BICC1: variants seen among roughly 807,000 people sequenced by gnomAD.
The protein encoded by BICC1 is BicC family RNA binding protein 1.
In BICC1, 43 loss-of-function variants were observed where a neutral mutation model predicts 111.0. That is an observed-to-expected ratio of 0.39 (90% confidence interval 0.30 to 0.50). The LOEUF (loss-of-function observed/expected upper bound fraction) is 0.50. BICC1 is among the 20% of genes least tolerant of loss of function. The pLI, the probability that BICC1 is intolerant of heterozygous loss-of-function variation, is 0.88. For synonymous variants in BICC1, 467 were observed against 434.4 expected (o/e 1.07, Z -0.93); for missense variants, 1,091 against 1,203.2 (o/e 0.91, Z 1.38).
At chr10:58,630,654 A>G (rs1475719811) in intron 2 of BICC1, among the ~76,000 whole-genome samples, 1 of 152,032 alleles carries the variant, frequency 6.6e-6, no homozygotes, top group East Asian at 1.9e-4. Context: ...TAGTTGGGAA[A>G]CTCTACAAGG....
At chr10:58,650,014 A>G (rs1838396424) in intron 2 of BICC1, 1 of 152,180 alleles carries the variant, frequency 6.6e-6, no homozygotes, top group Non-Finnish European at 1.5e-5. Context: ...ACGTAGCTAC[A>G]TAAAAATAAT....
intron 2 of BICC1, among the ~76,000 whole-genome samples, chr10:58,621,253 T>C (rs969450528): frequency 1.3e-5 from 2 of 152,174 alleles, no homozygotes; most frequent in Admixed American, 6.5e-5. Context: ...CTATCCTATA[T>C]GGTGAATATG....
chr10:58,525,053 C>T (rs188669589), intron 1 of BICC1, among the ~76,000 whole-genome samples: 245 of 146,958 alleles, frequency 1.7e-3, no homozygotes, highest in African/African-American at 5.8e-3. Flanking sequence ...ATTAAAAAGT[C>T]AGGAAACAAC....
intron 1 of BICC1, among the ~76,000 whole-genome samples, chr10:58,586,705 A>G (rs910069069): frequency 1.3e-5 from 2 of 152,160 alleles, no homozygotes; most frequent in African/African-American, 4.8e-5. Context: ...ACAGACATGC[A>G]TACTACAGAC....
At chr10:58,552,399 G>T (rs951454941) in intron 1 of BICC1, among the ~76,000 whole-genome samples, 1 of 151,958 alleles carries the variant, frequency 6.6e-6, no homozygotes. Context: ...GCAGTGGTGT[G>T]ATCTTGGCTC....
intron 1 of BICC1, among the ~76,000 whole-genome samples, chr10:58,615,994 G>C (rs753498765): frequency 6.6e-6 from 1 of 152,118 alleles, no homozygotes; most frequent in African/African-American, 2.4e-5. Context: ...CAGAAGTAAG[G>C]GCCCTCCAGG....
intron 1 of BICC1, among the ~76,000 whole-genome samples, chr10:58,513,776 T>C (rs1428305101): frequency 6.6e-6 from 1 of 152,202 alleles, no homozygotes; most frequent in African/African-American, 2.4e-5. Context: ...AGTATCCACT[T>C]CCTCCAGCTG....
intron 18 of BICC1, among the ~76,000 whole-genome samples, chr10:58,814,618 TA>T (rs35500718): frequency 0.68 from 77,822 of 114,758 alleles, 25,140 homozygotes; most frequent in Admixed American, 0.71. Flanking sequence ...TCATCTCTAC[TA>T]AAAAAAAAAA....
chr10:58,732,277 A>G (rs1043240054), intron 3 of BICC1, among the ~76,000 whole-genome samples: 3 of 148,846 alleles, frequency 2.0e-5, no homozygotes, highest in African/African-American at 7.5e-5. Context: ...AGAGAGAGAG[A>G]GAGAGAAAGA....
At chr10:58,702,985 A>C (rs866531653) in intron 3 of BICC1, among the ~76,000 whole-genome samples, 1 of 152,106 alleles carries the variant, frequency 6.6e-6, no homozygotes, top group African/African-American at 2.4e-5. Context: ...TTACTACTAA[A>C]TGATAACACT....
At chr10:58,732,142 G>A (rs1421521034) in intron 3 of BICC1, among the ~76,000 whole-genome samples, 1 of 151,646 alleles carries the variant, frequency 6.6e-6, no homozygotes, top group Non-Finnish European at 1.5e-5. Flanking sequence ...TAATGTGAGA[G>A]GTGTGTGAAT....
chr10:58,580,964 G>A (rs948635959), intron 1 of BICC1, among the ~76,000 whole-genome samples: 2 of 152,110 alleles, frequency 1.3e-5, no homozygotes, highest in African/African-American at 2.4e-5. Flanking sequence ...TTTAGAAAAG[G>A]TTTTAATCAG....
intron 20 of BICC1, among the ~76,000 whole-genome samples, chr10:58,822,520 T>C (rs1844281973): frequency 6.6e-6 from 1 of 152,132 alleles, no homozygotes; most frequent in South Asian, 2.1e-4. Flanking sequence ...TATAGTACTT[T>C]TGCAGACTTC....
intron 3 of BICC1, among the ~76,000 whole-genome samples, chr10:58,767,849 C>T (rs1215694508): frequency 2.6e-5 from 4 of 151,728 alleles, no homozygotes; most frequent in Admixed American, 6.6e-5. Flanking sequence ...AGAGAGTCAA[C>T]AGCAGATTCG....
At chr10:58,752,761 T>A (rs551068309) in intron 3 of BICC1, among the ~76,000 whole-genome samples, 3 of 152,320 alleles carry the variant, frequency 2.0e-5, no homozygotes, top group African/African-American at 7.2e-5. Flanking sequence ...CAGCATTTAC[T>A]TTACCATGCA....
intron 8 of BICC1, 52 bp downstream of exon 8, chr10:58,789,985 G>A: frequency 6.3e-7 from 1 of 1,587,466 alleles, no homozygotes; most frequent in Non-Finnish European, 8.6e-7. Context: ...TTTGGATTCA[G>A]TGCATGTTTT....
rs142577289 is a variant in BICC1 at position 58,800,498 on chromosome 10, A to G, written c.1858+172A>G. On this transcript the variant is annotated intron_variant, in intron 13 of 20. Coordinates refer to ENST00000373886, the MANE Select transcript of BICC1 (RefSeq NM_001080512.3). ...AATAAAATTTCAAAGAGCATGGTGA[A>G]AGATTAACTGAAAAGCACTTTCCAC... Among the ~76,000 whole-genome samples, 148 of 152,340 alleles carry G rather than the reference A, an allele frequency of 9.7e-4. 3 individuals carry two copies. The East Asian group carries it at 0.024, about 25-fold the overall frequency.
At chr10:58,651,384 G>A (rs181502469) in intron 2 of BICC1, among the ~76,000 whole-genome samples, 135 of 152,328 alleles carry the variant, frequency 8.9e-4, no homozygotes, top group African/African-American at 3.1e-3. Flanking sequence ...ACTGCCTGCA[G>A]ATCTTCATAC....
At chr10:58,555,553 A>G (rs1342672431) in intron 1 of BICC1, among the ~76,000 whole-genome samples, 6 of 152,106 alleles carry the variant, frequency 3.9e-5, no homozygotes, top group Non-Finnish European at 8.8e-5. Flanking sequence ...TTAATTTTCA[A>G]TGAGCAGATC....
Sources: allele counts gnomAD v4.1 joint callset (sites outside exome capture counted in the v4.1 genomes callset), GRCh38; gene constraint gnomAD v4.1.1; transcripts MANE v1.5; gene names NCBI Gene and HGNC (gene_info 2026-07-23, HGNC 2026-07-21).